BDP1: variants seen among roughly 807,000 people sequenced by gnomAD.
The protein encoded by BDP1 is transcription factor TFIIIB component B'' homolog.
A neutral mutation model predicts 266.6 loss-of-function variants in BDP1; 169 were observed. The ratio of observed to expected loss-of-function variants is 0.63; its 90% confidence interval spans 0.56 to 0.72. BDP1 has a LOEUF of 0.72. Among genes scored for constraint, BDP1 ranks in the 30% least tolerant of loss-of-function variants. The pLI, the probability that BDP1 is intolerant of heterozygous loss-of-function variation, is 0.00. For synonymous variants in BDP1, 1,090 were observed against 1,022.4 expected (o/e 1.07, Z -1.26); for missense variants, 3,015 against 3,053.8 (o/e 0.99, Z 0.30).
chr5:71,562,711 A>C lies in BDP1; in HGVS notation c.7743+191A>C, dbSNP rs1259414555. The C allele has an allele frequency of 3.4e-6, 5 of 1,479,998 alleles. No individual in the cohort carries two copies. The East Asian group carries it at 1.3e-4, about 40-fold the overall frequency. The allele number at this position is 1,479,998 out of a possible 1,614,324, so 91.7% of individuals were successfully genotyped here. A position where few individuals can be genotyped will look rare whatever the true frequency, so the allele number is the denominator to read the frequency against. ...GGTGTTGAGTCAGGAAGTTACAGTT[A>C]GATTAGTACAGAGCCATTGAACTAA... On this transcript the variant is annotated intron_variant, in intron 38 of 38. Coordinates refer to ENST00000358731, the MANE Select transcript of BDP1 (RefSeq NM_018429.3).
At chr5:71,478,149 C>T (rs1015979692) in intron 7 of BDP1, among the ~76,000 whole-genome samples, 1 of 152,116 alleles carries the variant, frequency 6.6e-6, no homozygotes, top group African/African-American at 2.4e-5. Context: ...ACTCGGGAGG[C>T]TGAGGCAGGA....
intron 3 of BDP1, among the ~76,000 whole-genome samples, chr5:71,463,513 G>C (rs1761701051): frequency 6.6e-6 from 1 of 152,128 alleles, no homozygotes; most frequent in Non-Finnish European, 1.5e-5. Context: ...TCCTTTCACT[G>C]AGAAGTTAGA....
chr5:71,517,300 T>A (rs1182152082), intron 21 of BDP1, 22 bp from the exon 22 acceptor site: 1 of 1,568,228 alleles, frequency 6.4e-7, no homozygotes. Flanking sequence ...AATAACATAC[T>A]AATATGATTT....
At chr5:71,529,251 G>A (rs1458404678) in intron 25 of BDP1, among the ~76,000 whole-genome samples, 1 of 152,100 alleles carries the variant, frequency 6.6e-6, no homozygotes, top group Non-Finnish European at 1.5e-5. Context: ...TTTGCTGGGC[G>A]TGGTGGTGGG....
At chr5:71,537,149 C>CAAAAAAAAAAAAAAAAAAAAA (rs70992979) in intron 26 of BDP1, among the ~76,000 whole-genome samples, 6 of 82,442 alleles carry the variant, frequency 7.3e-5, no homozygotes, top group Admixed American at 1.6e-4. Flanking sequence ...ACCAAAAAAC[C>CAAAAAAAAAAAAAAAAAAAAA]AAAAAAAAAA....
chr5:71,458,355 A>G (rs1417907192), intron 1 of BDP1, among the ~76,000 whole-genome samples: 1 of 152,072 alleles, frequency 6.6e-6, no homozygotes, highest in Non-Finnish European at 1.5e-5. Context: ...TAGGGACTTT[A>G]TGTTTGAAAA....
intron 32 of BDP1, among the ~76,000 whole-genome samples, chr5:71,545,941 A>G (rs944792675): frequency 7.9e-5 from 12 of 151,972 alleles, no homozygotes; most frequent in African/African-American, 2.9e-4. Flanking sequence ...TAGAGGCTGC[A>G]GTGAGCTGTG....
chr5:71,524,013 C>G lies in BDP1; in HGVS notation c.5462C>G (p.Ser1821Cys), dbSNP rs377137428. Reference protein sequence around the residue: ...LDGKTTISSTSEYERNRGERR... With the variant: ...LDGKTTISSTCEYERNRGERR... ...GGGAAAACAACTATCTCTTCTACAT[C>G]TGAGTATGAGAGAAATCGTGGTGAA... The change falls in exon 25 of 39, where the codon TCT becomes TGT. Residue 1821 changes from serine (S) to cysteine (C), a missense_variant. Ser to Cys is a moderately radical substitution (Grantham distance 112, BLOSUM62 -1). Coordinates refer to ENST00000358731, the MANE Select transcript of BDP1 (RefSeq NM_018429.3). The G allele has an allele frequency of 6.2e-7, 1 of 1,614,132 alleles. No individual in the cohort carries two copies. Among genetic ancestry groups the G allele is most frequent in the Non-Finnish European group, 8.5e-7 (1 of 1,180,008 alleles).
Position 71,484,221 on chromosome 5 carries a change from A to G in BDP1, c.1069+325A>G, listed in dbSNP as rs796163735. Among the ~76,000 whole-genome samples, 70 of 152,288 alleles carry G rather than the reference A, an allele frequency of 4.6e-4. 1 individual carries two copies. Among genetic ancestry groups the G allele is most frequent in the African/African-American group, 1.7e-3 (69 of 41,550 alleles). On this transcript the variant is annotated intron_variant, in intron 8 of 38. Transcript: ENST00000358731. ...ATCATTGTTTCTGGAAGACAGTACT[A>G]TTAGTTATATAGATGGTTCTTTCTG... is the stretch of plus-strand genomic sequence containing the variant.
At chr5:71,478,642 C>T (rs1347549628) in intron 7 of BDP1, among the ~76,000 whole-genome samples, 1 of 151,376 alleles carries the variant, frequency 6.6e-6, no homozygotes, top group African/African-American at 2.4e-5. Context: ...AATTATATTT[C>T]TCTGGCTGTT....
chr5:71,545,579 C>T lies in BDP1; in HGVS notation c.6744+360C>T, dbSNP rs193091776. 1.3e-4 allele frequency: 31 copies of T among 231,986 alleles called. 1 individual carries two copies. The highest frequency in any genetic ancestry group is 5.6e-4 in the African/African-American group (24 of 42,938). 14.4% of individuals were successfully genotyped at this position (231,986 alleles called of 1,614,324 possible). A position where few individuals can be genotyped will look rare whatever the true frequency, so the allele number is the denominator to read the frequency against. On this transcript the variant is annotated intron_variant, in intron 32 of 38. Transcript: ENST00000358731. The stretch of plus-strand genomic sequence containing the variant: ...CGCCTGGCTTCAAGTGATCCACCTG[C>T]GTTGGCCTCCAAAAGTGTTGGGATT...
intron 4 of BDP1, among the ~76,000 whole-genome samples, chr5:71,464,836 A>G (rs1380329142): frequency 1.4e-5 from 2 of 144,326 alleles, no homozygotes; most frequent in African/African-American, 2.6e-5. Flanking sequence ...CTGCTGCCTC[A>G]GCCTCCCGAG....
intron 25 of BDP1, among the ~76,000 whole-genome samples, chr5:71,524,701 A>G (rs1187708203): frequency 6.7e-6 from 1 of 148,158 alleles, no homozygotes; most frequent in Non-Finnish European, 1.5e-5. Context: ...TGGCAGGGTC[A>G]TAGGACAATA....
At chr5:71,508,617 G>A (rs920561705) in intron 16 of BDP1, among the ~76,000 whole-genome samples, 4 of 151,972 alleles carry the variant, frequency 2.6e-5, no homozygotes, top group African/African-American at 7.3e-5. Context: ...TGAATGTATA[G>A]TTATATACCT....
intron 37 of BDP1, among the ~76,000 whole-genome samples, chr5:71,561,762 A>G (rs1302418553): frequency 6.6e-6 from 1 of 152,222 alleles, no homozygotes; most frequent in Admixed American, 6.5e-5. Context: ...AGAACTTGAT[A>G]AAATGCAGAA....
intron 6 of BDP1, 24 bp downstream of exon 6, chr5:71,467,511 G>A (rs368636931): frequency 3.2e-5 from 49 of 1,535,570 alleles, no homozygotes; most frequent in Non-Finnish European, 4.0e-5. Flanking sequence ...ATTTAAAAAT[G>A]TGTAAGTTCT....
In BDP1 at chr5:71,552,203, G is replaced by A. The variant is rs1376568673; in HGVS notation, c.6996-913G>A. ...GACAGGGTCGCGGCCGGGCAGAGGC[G>A]CTCCTCACATCCCAGACGGGGCGGC... is the stretch of plus-strand genomic sequence containing the variant. On this transcript the variant is annotated intron_variant, in intron 34 of 38. Transcript: ENST00000358731. Among the ~76,000 whole-genome samples, 7 of 150,234 alleles carry A rather than the reference G, an allele frequency of 4.7e-5. No homozygotes were observed. The South Asian group carries it at 1.1e-3, about 23-fold the overall frequency.
chr5:71,541,407 T>C, intron 28 of BDP1, 47 bp from the exon 29 acceptor site: 1 of 738,958 alleles, frequency 1.4e-6, no homozygotes, highest in Non-Finnish European at 2.1e-6. Flanking sequence ...ATTTTGAGCA[T>C]CTATAATTTG....
chr5:71,459,376 G>C (rs1038655170), intron 2 of BDP1, among the ~76,000 whole-genome samples: 1 of 152,174 alleles, frequency 6.6e-6, no homozygotes, highest in African/African-American at 2.4e-5. Context: ...GCTGGGCCTG[G>C]TGACGTGCAT....
Sources: gnomAD v4.1 joint callset for allele counts (sites outside exome capture counted in the v4.1 genomes callset) on GRCh38, gnomAD v4.1.1 for gene constraint, MANE v1.5 for transcripts, NCBI Gene and HGNC (gene_info 2026-07-23, HGNC 2026-07-21) for gene names.